The following ADAMTSL1 variants were observed in gnomAD, a reference collection of about 807,000 sequenced individuals.
ADAMTSL1 encodes the protein ADAMTS like 1, also known as ADAMTS-like protein 1.
ADAMTSL1 carries 126 observed loss-of-function variants against 201.8 expected under a neutral mutation model. The observed-to-expected ratio is 0.62, with a 90% CI of 0.54 to 0.72. The LOEUF (loss-of-function observed/expected upper bound fraction) is 0.72. Among genes scored for constraint, ADAMTSL1 ranks in the 30% least tolerant of loss-of-function variants. The probability of loss-of-function intolerance (pLI) is 0.00; values close to 1 mark genes in which losing one functional copy is unlikely to be tolerated. For missense variants in ADAMTSL1, 2,679 were observed against 2,277.8 expected, an observed-to-expected ratio of 1.18 and a Z score of -3.59; for synonymous variants, 1,121 against 903.4, an observed-to-expected ratio of 1.24 and a Z score of -4.32.
chr9:18,335,498 C>T (rs902046986), intron 2 of ADAMTSL1, among the ~76,000 whole-genome samples: 1 of 152,028 alleles, frequency 6.6e-6, no homozygotes, highest in African/African-American at 2.4e-5. Flanking sequence ...GTAATCTCTA[C>T]AGAAGTATTG....
At chr9:18,504,262 G>A (rs758912187) in intron 1 of ADAMTSL1, among the ~76,000 whole-genome samples, 1 of 152,152 alleles carries the variant, frequency 6.6e-6, no homozygotes, top group South Asian at 2.1e-4. Context: ...TAGAAAGCCT[G>A]TAAATAACCA....
chr9:18,261,169 T>G (rs1490675954), intron 2 of ADAMTSL1, among the ~76,000 whole-genome samples: 1 of 151,054 alleles, frequency 6.6e-6, no homozygotes, highest in Non-Finnish European at 1.5e-5. Flanking sequence ...AACACAGGAG[T>G]AGGGTGAAGC....
intron 1 of ADAMTSL1, among the ~76,000 whole-genome samples, chr9:18,093,400 C>G (rs949497810): frequency 8.9e-4 from 135 of 152,168 alleles, no homozygotes; most frequent in African/African-American, 2.6e-3. Flanking sequence ...AGAATATATG[C>G]TGTGTATTCC....
chr9:18,698,261 C>G (rs1202491514), intron 13 of ADAMTSL1, among the ~76,000 whole-genome samples: 1 of 152,088 alleles, frequency 6.6e-6, no homozygotes, highest in Non-Finnish European at 1.5e-5. Flanking sequence ...AGCACAAAGC[C>G]AAGTCCTGAG....
chr9:18,704,359 T>G (rs1051121561), intron 13 of ADAMTSL1, among the ~76,000 whole-genome samples: 7 of 152,230 alleles, frequency 4.6e-5, no homozygotes, highest in Non-Finnish European at 1.0e-4. Context: ...GGGCTCTTTA[T>G]AAGCAACAGA....
At chr9:18,330,279 A>G (rs1834977841) in intron 2 of ADAMTSL1, among the ~76,000 whole-genome samples, 1 of 152,066 alleles carries the variant, frequency 6.6e-6, no homozygotes, top group South Asian at 2.1e-4. Context: ...TTGTTCAGAA[A>G]TCACATATTA....
Position 18,711,398 on chromosome 9 carries a change from G to A in ADAMTSL1, c.1876+4350G>A, listed in dbSNP as rs181765205. Among the ~76,000 whole-genome samples, 46 of 152,284 alleles carry A rather than the reference G, an allele frequency of 3.0e-4. No individual in the cohort carries two copies. The East Asian group carries it at 3.1e-3, about 10-fold the overall frequency. ...AGGTCAGTGGGTGAGCACACCGTGC[G>A]CGAGCCGAAGCAGGGCGAGGCATTG... On this transcript the variant is annotated intron_variant, in intron 14 of 28. Transcript: ENST00000380548.
Position 18,075,396 on chromosome 9 carries a change from A to C in ADAMTSL1, c.88-88466A>C, listed in dbSNP as rs557360602. Among the ~76,000 whole-genome samples, 3 of 152,304 alleles carry C rather than the reference A, an allele frequency of 2.0e-5. No individual in the cohort carries two copies. In the South Asian group the frequency reaches 6.2e-4, roughly 32 times the overall value. On this transcript the variant is annotated intron_variant, in intron 1 of 29. Coordinates refer to the ADAMTSL1 transcript ENST00000680146. ...AGCAGAAAAAAGCCCTGGTAGTTTAACATGGGTGGGAGCCACAAGTACGTT... is the reference window on the plus strand; with the variant it reads ...AGCAGAAAAAAGCCCTGGTAGTTTACCATGGGTGGGAGCCACAAGTACGTT...
intron 2 of ADAMTSL1, among the ~76,000 whole-genome samples, chr9:18,466,877 C>T (rs1361156462): frequency 6.6e-6 from 1 of 152,090 alleles, no homozygotes; most frequent in African/African-American, 2.4e-5. Context: ...GAAGAATACT[C>T]TGATTTTCCG....
At chr9:18,538,114 T>C (rs1465380675) in intron 3 of ADAMTSL1, among the ~76,000 whole-genome samples, 1 of 152,048 alleles carries the variant, frequency 6.6e-6, no homozygotes, top group Non-Finnish European at 1.5e-5. Flanking sequence ...CTCTGGAGAA[T>C]GGATGCAAAG....
At position 18,910,337 on chromosome 9, in the gene ADAMTSL1, T is replaced by TA. The variant is rs1554664074; in HGVS notation, c.*1795dup. 6.6e-6 allele frequency: 1 copy of TA among 152,226 alleles called. No individual in the cohort carries two copies. The highest frequency in any genetic ancestry group is 1.5e-5 in the Non-Finnish European group (1 of 68,050). 9.4% of individuals were successfully genotyped at this position (152,226 alleles called of 1,614,324 possible). A position where few individuals can be genotyped will look rare whatever the true frequency, so the allele number is the denominator to read the frequency against. On this transcript the variant is annotated 3_prime_UTR_variant, in exon 29 of 29. Transcript: ENST00000380548. ...GTGAATATTTATTAGGATTTCTTAT[T>TA]AAAAAAGTGCAATATTAATAATTGT... is the stretch of plus-strand genomic sequence containing the variant.
At chr9:18,784,947 C>T (rs1031334258) in intron 19 of ADAMTSL1, among the ~76,000 whole-genome samples, 3 of 152,260 alleles carry the variant, frequency 2.0e-5, no homozygotes, top group Admixed American at 1.3e-4. Context: ...GGGCAGATCA[C>T]GAGGTCAAGA....
intron 1 of ADAMTSL1, among the ~76,000 whole-genome samples, chr9:18,077,530 C>G (rs934539309): frequency 2.6e-5 from 4 of 151,978 alleles, no homozygotes; most frequent in Non-Finnish European, 5.9e-5. Flanking sequence ...GATAAAAGGC[C>G]CCTTGGATTT....
intron 3 of ADAMTSL1, among the ~76,000 whole-genome samples, chr9:18,555,734 G>A (rs7389813): frequency 0.045 from 6,844 of 151,928 alleles, 293 homozygotes; most frequent in Admixed American, 0.13. Flanking sequence ...GTTAACCAGG[G>A]GAATAAGAGG....
intron 14 of ADAMTSL1, among the ~76,000 whole-genome samples, chr9:18,718,870 G>C (rs1008712954): frequency 6.6e-6 from 1 of 152,176 alleles, no homozygotes; most frequent in African/African-American, 2.4e-5. Context: ...TTCAACAGCT[G>C]AATAAAGGCA....
At chr9:18,610,062 C>T (rs1169090664) in intron 4 of ADAMTSL1, among the ~76,000 whole-genome samples, 1 of 151,914 alleles carries the variant, frequency 6.6e-6, no homozygotes, top group Non-Finnish European at 1.5e-5. Flanking sequence ...AATGATGTTC[C>T]AGGGTAAGAA....
chr9:18,666,549 C>G (rs151101476), intron 9 of ADAMTSL1, among the ~76,000 whole-genome samples: 31 of 152,236 alleles, frequency 2.0e-4, no homozygotes, highest in Non-Finnish European at 2.4e-4. Context: ...GTTCTGTATG[C>G]TTTCCCATGT....
At chr9:18,850,942 T>C (rs1199195837) in intron 23 of ADAMTSL1, among the ~76,000 whole-genome samples, 1 of 152,224 alleles carries the variant, frequency 6.6e-6, no homozygotes, top group Non-Finnish European at 1.5e-5. Flanking sequence ...TGAGATGCCA[T>C]ATGCAATGTG....
At chr9:18,817,460 T>C (rs1823934064) in intron 21 of ADAMTSL1, among the ~76,000 whole-genome samples, 1 of 152,208 alleles carries the variant, frequency 6.6e-6, no homozygotes, top group Non-Finnish European at 1.5e-5. Flanking sequence ...TCTTTTTATG[T>C]GTATGTTTTT....
Sources: allele counts gnomAD v4.1 joint callset (sites outside exome capture counted in the v4.1 genomes callset), GRCh38; gene constraint gnomAD v4.1.1; transcripts MANE v1.5; gene names NCBI Gene and HGNC (gene_info 2026-07-23, HGNC 2026-07-21).